Variants in MSI2 observed in about 807,000 individuals in gnomAD.
MSI2 encodes musashi RNA binding protein 2, also known as RNA-binding protein Musashi homolog 2.
A neutral mutation model predicts 45.6 loss-of-function variants in MSI2; 17 were observed. That is an observed-to-expected ratio of 0.37 (90% confidence interval 0.26 to 0.56). The LOEUF is 0.56. Ranked by LOEUF, MSI2 falls within the 20% of genes least tolerant of loss-of-function variation. The pLI, the probability that MSI2 is intolerant of heterozygous loss-of-function variation, is 0.77. For synonymous variants in MSI2, 156 were observed against 158.2 expected, an observed-to-expected ratio of 0.99 and a Z score of 0.11; for missense variants, 293 against 444.2, an observed-to-expected ratio of 0.66 and a Z score of 3.06.
At position 57,385,342 on chromosome 17, in the gene MSI2, C is replaced by T. The variant is rs79706819; in HGVS notation, c.313-16037C>T. 7.6e-3 allele frequency among the ~76,000 whole-genome samples: 1,152 copies of T among 152,342 alleles called. 14 individuals carry two copies. The highest frequency in any genetic ancestry group is 0.026 in the African/African-American group (1,076 of 41,570). ...CCCTCAGACCCTCCTTTTCACTTGA[C>T]TTCTAGCAATCCAAAAGTTTAGTGC... On this transcript the variant is annotated intron_variant, in intron 5 of 13. Transcript: ENST00000284073.
chr17:57,396,744 A>G (rs945510875), intron 5 of MSI2, among the ~76,000 whole-genome samples: 3 of 152,150 alleles, frequency 2.0e-5, no homozygotes, highest in African/African-American at 7.2e-5. Context: ...ACTTTCCAGC[A>G]ATGATTTGTG....
chr17:57,489,483 C>A (rs1049759316), intron 6 of MSI2, among the ~76,000 whole-genome samples: 14 of 152,194 alleles, frequency 9.2e-5, no homozygotes, highest in African/African-American at 3.4e-4. Flanking sequence ...GGGGTTCTGA[C>A]CATGAGCTTT....
downstream of MSI2, among the ~76,000 whole-genome samples, chr17:57,686,665 TATGTCATG>T (rs1378275561): frequency 2.6e-5 from 4 of 152,212 alleles, no homozygotes; most frequent in Non-Finnish European, 5.9e-5. Flanking sequence ...ACAGCAATAT[TATGTCATG>T]ACAAAAGACA....
intron 10 of MSI2, among the ~76,000 whole-genome samples, chr17:57,646,015 G>T (rs1236769489): frequency 1.2e-4 from 19 of 152,182 alleles, no homozygotes; most frequent in Admixed American, 1.2e-3. Flanking sequence ...TGTAGGCAGT[G>T]CTGCCTTTCA....
chr17:57,466,203 C>T (rs2085327551), intron 6 of MSI2, among the ~76,000 whole-genome samples: 1 of 152,218 alleles, frequency 6.6e-6, no homozygotes, highest in Admixed American at 6.5e-5. Flanking sequence ...GTGGCAATGA[C>T]TGTGGGGAGG....
At position 57,432,062 on chromosome 17, in the gene MSI2, A is replaced by G. The variant is rs913943773; in HGVS notation, c.405+30591A>G. On this transcript the variant is annotated intron_variant, in intron 6 of 13. Coordinates refer to ENST00000284073, the MANE Select transcript of MSI2 (RefSeq NM_138962.4). ...GTTCAGCCTTTAATTGTAACTATTA[A>G]TCACGCCGAGTTGTGTCGCACTTCA... Among the ~76,000 whole-genome samples the G allele has an allele frequency of 2.0e-5, 3 of 152,162 alleles. No individual in the cohort carries two copies. In the South Asian group the frequency reaches 6.2e-4, roughly 32 times the overall value.
rs769959399 is a variant in MSI2 at position 57,682,612 on chromosome 17, G to C, written c.*3095G>C. ...CTACCTAGGTTTAAGGTTCACGTTA[G>C]TCCCCCCATTCCATCTAGAAGTCCA... is the stretch of plus-strand genomic sequence containing the variant. On this transcript the variant is annotated 3_prime_UTR_variant, in exon 14 of 14. Coordinates refer to ENST00000284073, the MANE Select transcript of MSI2 (RefSeq NM_138962.4). The C allele has an allele frequency of 1.3e-3, 264 of 210,084 alleles. 1 individual carries two copies. In the Middle Eastern group the frequency reaches 0.019, roughly 15 times the overall value. 13.0% of individuals were successfully genotyped at this position (210,084 alleles called of 1,614,324 possible).
chr17:57,276,821 G>T (rs1287821561), intron 5 of MSI2, among the ~76,000 whole-genome samples: 1 of 152,088 alleles, frequency 6.6e-6, no homozygotes, highest in Non-Finnish European at 1.5e-5. Context: ...GGTAACGGAG[G>T]CGCCTCATTT....
intron 5 of MSI2, among the ~76,000 whole-genome samples, chr17:57,389,410 A>G (rs1221464225): frequency 1.3e-5 from 2 of 152,070 alleles, no homozygotes; most frequent in African/African-American, 4.8e-5. Flanking sequence ...GTCTTTTGGG[A>G]CCACTAACAG....
At chr17:57,531,048 C>T (rs965244604) in intron 7 of MSI2, among the ~76,000 whole-genome samples, 1 of 152,034 alleles carries the variant, frequency 6.6e-6, no homozygotes, top group African/African-American at 2.4e-5. Context: ...TCGATTTTGT[C>T]CACTGCATTG....
chr17:57,367,287 G>GT (rs374664493), intron 5 of MSI2, among the ~76,000 whole-genome samples: 127 of 151,390 alleles, frequency 8.4e-4, no homozygotes, highest in African/African-American at 2.3e-3. Flanking sequence ...TGATTAAAAT[G>GT]TTTTTTTTTC....
chr17:57,547,787 C>CAT (rs1481370117), intron 7 of MSI2, among the ~76,000 whole-genome samples: 1 of 145,036 alleles, frequency 6.9e-6, no homozygotes, highest in East Asian at 2.0e-4. Context: ...CACACACACA[C>CAT]ACGTCTCTGG....
In MSI2 at chr17:57,668,636, C is replaced by T. The variant is rs372585793; in HGVS notation, c.791-6336C>T. On this transcript the variant is annotated intron_variant, in intron 11 of 13. Transcript: ENST00000284073. ...TGCACAGACAACTCACCATGTGTCC[C>T]GTGCAGTGTGTAAGAGGAGCCAGGG... Among the ~76,000 whole-genome samples the T allele has an allele frequency of 4.2e-4, 64 of 152,186 alleles. 1 individual carries two copies. The South Asian group carries it at 0.011, about 27-fold the overall frequency.
At chr17:57,517,058 C>T (rs917029610) in intron 6 of MSI2, among the ~76,000 whole-genome samples, 1 of 152,218 alleles carries the variant, frequency 6.6e-6, no homozygotes, top group African/African-American at 2.4e-5. Flanking sequence ...TTCTCAGCAG[C>T]ATTTTCTTAG....
At chr17:57,455,120 C>T (rs1041303135) in intron 6 of MSI2, among the ~76,000 whole-genome samples, 2 of 152,306 alleles carry the variant, frequency 1.3e-5, no homozygotes. Context: ...TTCGAGTTCC[C>T]TCCTCATGCC....
intron 6 of MSI2, among the ~76,000 whole-genome samples, chr17:57,432,281 G>A (rs2084611278): frequency 6.6e-6 from 1 of 152,160 alleles, no homozygotes; most frequent in African/African-American, 2.4e-5. Flanking sequence ...GCTCAGGGTC[G>A]GTGGCCCAGA....
chr17:57,555,166 T>C (rs1163189912), intron 7 of MSI2, among the ~76,000 whole-genome samples: 3 of 152,184 alleles, frequency 2.0e-5, no homozygotes, highest in African/African-American at 7.2e-5. Context: ...ACCTGAGGCT[T>C]CAGCCCGGGC....
chr17:57,682,545 C>G lies in MSI2; in HGVS notation c.*3028C>G. The G allele has an allele frequency of 4.7e-6, 1 of 210,770 alleles. No individual in the cohort carries two copies. Among genetic ancestry groups the G allele is most frequent in the Non-Finnish European group, 9.6e-6 (1 of 104,062 alleles). 13.1% of individuals were successfully genotyped at this position (210,770 alleles called of 1,614,324 possible). A position where few individuals can be genotyped will look rare whatever the true frequency, so the allele number is the denominator to read the frequency against. Reference sequence around the variant, plus strand: ...TACCTTTTGAAGAGACCCAGTAGCCCATAGCACAAATCTTGTGGAAATCCG... The same window carrying G: ...TACCTTTTGAAGAGACCCAGTAGCCGATAGCACAAATCTTGTGGAAATCCG... On this transcript the variant is annotated 3_prime_UTR_variant, in exon 14 of 14. Coordinates refer to ENST00000284073, the MANE Select transcript of MSI2 (RefSeq NM_138962.4).
intron 5 of MSI2, among the ~76,000 whole-genome samples, chr17:57,272,720 T>G (rs773815528): frequency 1.3e-5 from 2 of 152,218 alleles, no homozygotes; most frequent in East Asian, 3.9e-4. Flanking sequence ...CCTGGCTCAG[T>G]TGCGAACTAG....
Sources: allele counts gnomAD v4.1 joint callset (sites outside exome capture counted in the v4.1 genomes callset), GRCh38; gene constraint gnomAD v4.1.1; transcripts MANE v1.5; gene names NCBI Gene and HGNC (gene_info 2026-07-23, HGNC 2026-07-21).